The following ATAD2B variants were observed in gnomAD, a reference collection of about 807,000 sequenced individuals.
The protein encoded by ATAD2B is ATPase family AAA domain containing 2B.
ATAD2B carries 40 observed loss-of-function variants against 167.6 expected under a neutral mutation model. That is an observed-to-expected ratio of 0.24 (90% CI 0.19 to 0.31). ATAD2B has a LOEUF of 0.31. ATAD2B is among the 10% of genes least tolerant of loss of function. The pLI is 1.00. For synonymous variants in ATAD2B, 579 were observed against 596.5 expected (o/e 0.97, Z 0.43); for missense variants, 1,242 against 1,757.2 (o/e 0.71, Z 5.24).
intron 1 of ATAD2B, among the ~76,000 whole-genome samples, chr2:23,923,673 C>T (rs989384821): frequency 4.7e-5 from 7 of 150,398 alleles, no homozygotes; most frequent in Non-Finnish European, 7.4e-5. Context: ...GCTTTTCATA[C>T]CGAAAAAAAG....
intron 13 of ATAD2B, among the ~76,000 whole-genome samples, chr2:23,847,034 T>G (rs1691764061): frequency 1.8e-5 from 1 of 56,494 alleles, no homozygotes; most frequent in African/African-American, 7.2e-5. Flanking sequence ...TACCACTTTG[T>G]TGAGGTACTC....
Position 23,910,603 on chromosome 2 carries a change from C to G in ATAD2B, c.217-14633G>C, listed in dbSNP as rs1702147082. ...ATGGTGTCAGCTGGGTGCAGTGGCT[C>G]GCACCTGTAATCCCAGCAGTTTGGG... On this transcript the variant is annotated intron_variant, in intron 1 of 27. Transcript: ENST00000238789. 2.6e-5 allele frequency among the ~76,000 whole-genome samples: 4 copies of G among 151,724 alleles called. No individual in the cohort carries two copies. The South Asian group carries it at 8.3e-4, about 32-fold the overall frequency.
At chr2:23,723,393 A>G in the ATAD2B span, among the ~76,000 whole-genome samples, 1 of 134,880 alleles carries the variant, frequency 7.4e-6, no homozygotes, top group African/African-American at 2.7e-5. Flanking sequence ...GGGAGAGGAG[A>G]GGTGAGGAGA....
the ATAD2B span, among the ~76,000 whole-genome samples, chr2:23,730,982 A>T: frequency 2.0e-5 from 3 of 152,168 alleles, no homozygotes; most frequent in Non-Finnish European, 4.4e-5. Context: ...AAGAGGGGAT[A>T]TCACTACAGA....
At chr2:23,757,053 C>G (rs568153594) in intron 25 of ATAD2B, among the ~76,000 whole-genome samples, 9 of 152,286 alleles carry the variant, frequency 5.9e-5, no homozygotes, top group African/African-American at 1.9e-4. Context: ...ACACCCAGCC[C>G]ATGCCAATAA....
chr2:23,713,166 T>C, the ATAD2B span, among the ~76,000 whole-genome samples: 7 of 152,378 alleles, frequency 4.6e-5, no homozygotes, highest in African/African-American at 1.7e-4. Context: ...ACAGAATTCC[T>C]TCATTCTCAG....
At chr2:23,879,695 C>A (rs1697566730) in intron 7 of ATAD2B, among the ~76,000 whole-genome samples, 1 of 152,072 alleles carries the variant, frequency 6.6e-6, no homozygotes, top group Non-Finnish European at 1.5e-5. Context: ...AAGTTATTGG[C>A]CAAGCTGCAG....
chr2:23,851,481 T>C (rs1044747363), intron 13 of ATAD2B, among the ~76,000 whole-genome samples: 2 of 152,196 alleles, frequency 1.3e-5, no homozygotes, highest in Non-Finnish European at 2.9e-5. Context: ...AGGGCAGTTT[T>C]AGGTTAACAG....
At chr2:23,880,275 G>A (rs772465024) in intron 7 of ATAD2B, among the ~76,000 whole-genome samples, 4 of 152,028 alleles carry the variant, frequency 2.6e-5, no homozygotes, top group Non-Finnish European at 4.4e-5. Flanking sequence ...AGAAGTATAT[G>A]TAGTAAAAAA....
chr2:23,828,787 G>A, intron 15 of ATAD2B, 62 bp downstream of exon 15: 1 of 1,034,100 alleles, frequency 9.7e-7, no homozygotes, highest in Non-Finnish European at 1.5e-6. Context: ...TCCAAATAAG[G>A]GGAAAGGGAG....
downstream of ATAD2B, among the ~76,000 whole-genome samples, chr2:23,745,748 C>T (rs982180659): frequency 6.6e-6 from 1 of 152,210 alleles, no homozygotes; most frequent in Non-Finnish European, 1.5e-5. Context: ...GCTACTAATA[C>T]TACTGCTGTA....
the ATAD2B span, chr2:23,696,768 C>A: frequency 2.5e-6 from 1 of 398,600 alleles, no homozygotes. The surrounding 1 kb of genome is among the most constrained non-coding windows in gnomAD (Gnocchi z 5.5). Flanking sequence ...TCCCGACAAC[C>A]CATTTAGGTG....
At position 23,773,548 on chromosome 2, in the gene ATAD2B, A is replaced by G. The variant is rs959923314; in HGVS notation, c.3134-7920T>C. On this transcript the variant is annotated intron_variant, in intron 22 of 27. Coordinates refer to ENST00000238789, the MANE Select transcript of ATAD2B (RefSeq NM_017552.4). ...CGGGAGGGAAAAAAAGAATAGAATA[A>G]AAGTTGAAAACTGCACATGAATATA... 4.6e-5 allele frequency among the ~76,000 whole-genome samples: 7 copies of G among 152,324 alleles called. No homozygotes were observed. The South Asian group carries it at 6.2e-4, about 14-fold the overall frequency.
intron 1 of ATAD2B, among the ~76,000 whole-genome samples, chr2:23,897,902 A>C (rs935087447): frequency 6.6e-6 from 1 of 152,224 alleles, no homozygotes; most frequent in Non-Finnish European, 1.5e-5. Flanking sequence ...CACTGCAATT[A>C]AGTGCTCTCA....
the ATAD2B span, among the ~76,000 whole-genome samples, chr2:23,709,050 TTTTTA>T: frequency 1.3e-5 from 2 of 152,128 alleles, no homozygotes; most frequent in Non-Finnish European, 2.9e-5. Context: ...CTTTTTTTCT[TTTTTA>T]TTGAGATGGA....
chr2:23,882,860 A>G (rs1167037280), intron 6 of ATAD2B, among the ~76,000 whole-genome samples: 3 of 152,004 alleles, frequency 2.0e-5, no homozygotes, highest in African/African-American at 7.2e-5. Flanking sequence ...TAGTAAGCAT[A>G]TGAACGCCCA....
At chr2:23,813,685 C>T (rs915219682) in intron 17 of ATAD2B, among the ~76,000 whole-genome samples, 4 of 151,948 alleles carry the variant, frequency 2.6e-5, no homozygotes, top group African/African-American at 7.2e-5. Flanking sequence ...GTCAAGGCTG[C>T]AGTGAGCCAT....
chr2:23,756,057 G>A (rs1158137068), intron 25 of ATAD2B, among the ~76,000 whole-genome samples: 2 of 151,902 alleles, frequency 1.3e-5, no homozygotes, highest in African/African-American at 4.8e-5. Context: ...TTTTCAGCAC[G>A]CTTATGGAAA....
At chr2:23,872,361 A>G (rs756653110) in intron 8 of ATAD2B, 5 of 636,598 alleles carry the variant, frequency 7.9e-6, no homozygotes, top group African/African-American at 1.8e-5. Flanking sequence ...ATTCATAGAC[A>G]ATGGGAATAC....
Sources: gnomAD v4.1 joint callset for allele counts (sites outside exome capture counted in the v4.1 genomes callset) on GRCh38, gnomAD v4.1.1 for gene constraint, Gnocchi (gnomAD v3.1) non-coding constraint, MANE v1.5 for transcripts, NCBI Gene and HGNC (gene_info 2026-07-23, HGNC 2026-07-21) for gene names.